Variants in ST3GAL3 observed in about 807,000 individuals in gnomAD.
The protein encoded by ST3GAL3 is ST3 beta-galactoside alpha-2,3-sialyltransferase 3, also known as CMP-N-acetylneuraminate-beta-1,4-galactoside alpha-2,3-sialyltransferase.
Under a neutral mutation model 50.1 loss-of-function variants are expected in ST3GAL3, and 21 were observed. The ratio of observed to expected loss-of-function variants is 0.42; its 90% CI spans 0.30 to 0.60. The LOEUF (loss-of-function observed/expected upper bound fraction) is 0.60, where lower values mean the gene tolerates loss of function less well. Among genes scored for constraint, ST3GAL3 ranks in the 20% least tolerant of loss-of-function variants. The pLI is 0.19. For missense variants in ST3GAL3, 353 were observed against 489.4 expected (o/e 0.72, Z 2.63); for synonymous variants, 183 against 190.0 (o/e 0.96, Z 0.30).
intron 3 of ST3GAL3, among the ~76,000 whole-genome samples, chr1:43,812,110 T>C (rs2060629651): frequency 6.6e-6 from 1 of 152,176 alleles, no homozygotes; most frequent in African/African-American, 2.4e-5. Flanking sequence ...TCAACAAATA[T>C]TTATTGAGCA....
At position 43,899,124 on chromosome 1, in the gene ST3GAL3, G is replaced by A; in HGVS notation, c.462-44G>A. 6.2e-7 allele frequency: 1 copy of A among 1,613,354 alleles called. No individual in the cohort carries two copies. On this transcript the variant is annotated intron_variant, in intron 7 of 11. Coordinates refer to ENST00000347631, the MANE Select transcript of ST3GAL3 (RefSeq NM_006279.5). The surrounding 1 kb of genome is among the most constrained non-coding windows in gnomAD (Gnocchi z 5.4). ...CCAAAGGAGCAGGGAAAGAGACCTG[G>A]TGGGCAGCTCTCTGTACAGAGGTCT... is the stretch of plus-strand genomic sequence containing the variant.
chr1:43,762,506 T>C (rs970046840), intron 2 of ST3GAL3, among the ~76,000 whole-genome samples: 1 of 152,136 alleles, frequency 6.6e-6, no homozygotes, highest in African/African-American at 2.4e-5. Context: ...TGGCAAAGAA[T>C]TCAACTATAG....
At chr1:43,851,003 C>T in intron 5 of ST3GAL3, 2 of 862,342 alleles carry the variant, frequency 2.3e-6, no homozygotes, top group South Asian at 2.6e-5. Flanking sequence ...TGGCAGTGTT[C>T]AAATGGGGAG....
intron 7 of ST3GAL3, chr1:43,898,553 A>G: frequency 1.8e-6 from 1 of 556,320 alleles, no homozygotes; most frequent in Non-Finnish European, 3.3e-6. Context: ...AACTGAACAC[A>G]CTGGGGCTGG....
chr1:43,749,085 A>G (rs1214938571), intron 2 of ST3GAL3, among the ~76,000 whole-genome samples: 6 of 152,226 alleles, frequency 3.9e-5, no homozygotes, highest in African/African-American at 1.4e-4. Context: ...GATAAAAGTA[A>G]TAACATAATT....
chr1:43,731,332 G>A (rs550643350), intron 1 of ST3GAL3, among the ~76,000 whole-genome samples: 8 of 150,816 alleles, frequency 5.3e-5, no homozygotes, highest in Middle Eastern at 3.5e-3. Flanking sequence ...CTGCCTCAGC[G>A]TCCCAAGTAG....
chr1:43,879,446 C>T, intron 5 of ST3GAL3: 1 of 456,242 alleles, frequency 2.2e-6, no homozygotes, highest in Non-Finnish European at 4.4e-6. Flanking sequence ...AGAAGCTGCA[C>T]ATTGACCATC....
At chr1:43,802,057 A>G (rs1316097616) in intron 3 of ST3GAL3, among the ~76,000 whole-genome samples, 2 of 152,148 alleles carry the variant, frequency 1.3e-5, no homozygotes, top group Non-Finnish European at 2.9e-5. Context: ...ATGAAACACA[A>G]AGTATTAAGA....
chr1:43,753,213 C>T (rs566629706), intron 2 of ST3GAL3, among the ~76,000 whole-genome samples: 3 of 152,178 alleles, frequency 2.0e-5, no homozygotes, highest in Admixed American at 6.5e-5. Context: ...CCTGTACACG[C>T]GTGGGCATGA....
intron 2 of ST3GAL3, among the ~76,000 whole-genome samples, chr1:43,756,100 C>CAAA (rs139101819): frequency 0.015 from 1,054 of 71,954 alleles, 48 homozygotes; most frequent in East Asian, 0.069. Context: ...GAACCAGTCT[C>CAAA]AAAAAAAAAA....
chr1:43,759,201 T>C (rs934088915), intron 2 of ST3GAL3, among the ~76,000 whole-genome samples: 10 of 151,956 alleles, frequency 6.6e-5, no homozygotes, highest in Admixed American at 6.6e-4. Flanking sequence ...ATCCCAGCAC[T>C]TTGGGAGGCC....
chr1:43,746,150 A>G (rs1407437972), intron 2 of ST3GAL3, among the ~76,000 whole-genome samples: 1 of 152,242 alleles, frequency 6.6e-6, no homozygotes, highest in Non-Finnish European at 1.5e-5. Flanking sequence ...GTCAGTCCCA[A>G]AGAAGGAAGG....
Position 43,930,379 on chromosome 1 carries a change from C to T in ST3GAL3, c.*158C>T. ...AGCCAGAGCTGTGCCTGCTCAGCAGCCAGTCTCAGAGACCAGCACTCAGCC... is the reference window on the plus strand; with the variant it reads ...AGCCAGAGCTGTGCCTGCTCAGCAGTCAGTCTCAGAGACCAGCACTCAGCC... On this transcript the variant is annotated 3_prime_UTR_variant, in exon 12 of 12. Transcript: ENST00000347631. 2 of 728,274 alleles carry T rather than the reference C, an allele frequency of 2.7e-6. No homozygotes were observed. Among genetic ancestry groups the T allele is most frequent in the Non-Finnish European group, 2.4e-6 (1 of 409,594 alleles). 45.1% of individuals were successfully genotyped at this position (728,274 alleles called of 1,614,324 possible).
chr1:43,858,167 ATAT>A (rs1470271705), intron 5 of ST3GAL3: 2 of 1,289,410 alleles, frequency 1.6e-6, no homozygotes, highest in South Asian at 2.5e-5. Context: ...AGACAAAAAC[ATAT>A]CCAGGCATAT....
chr1:43,733,571 T>C (rs1452035177), intron 1 of ST3GAL3, among the ~76,000 whole-genome samples: 1 of 152,232 alleles, frequency 6.6e-6, no homozygotes, highest in African/African-American at 2.4e-5. Context: ...TTGACCTGTT[T>C]TTTCCTCTGC....
intron 5 of ST3GAL3, among the ~76,000 whole-genome samples, chr1:43,887,728 G>A (rs1249796960): frequency 6.6e-6 from 1 of 152,180 alleles, no homozygotes; most frequent in African/African-American, 2.4e-5. Context: ...GTTGGTAGAT[G>A]ATCGCTTGAA....
chr1:43,863,757 G>A (rs181258196), intron 5 of ST3GAL3, among the ~76,000 whole-genome samples: 1 of 152,244 alleles, frequency 6.6e-6, no homozygotes, highest in East Asian at 1.9e-4. Flanking sequence ...CAGCGTGTGG[G>A]AGAAGCCTCC....
chr1:43,827,121 C>T (rs1276023895), intron 4 of ST3GAL3, among the ~76,000 whole-genome samples: 1 of 152,086 alleles, frequency 6.6e-6, no homozygotes, highest in Admixed American at 6.6e-5. Context: ...AAAAGGCATA[C>T]AGATTGGGAA....
chr1:43,708,909 C>A (rs1663037149), intron 1 of ST3GAL3, among the ~76,000 whole-genome samples: 1 of 152,172 alleles, frequency 6.6e-6, no homozygotes, highest in Admixed American at 6.5e-5. Context: ...AAACTCAAAA[C>A]CATTTAAGAT....
Sources: gnomAD v4.1 joint callset for allele counts (sites outside exome capture counted in the v4.1 genomes callset) on GRCh38, gnomAD v4.1.1 for gene constraint, Gnocchi (gnomAD v3.1) non-coding constraint, MANE v1.5 for transcripts, NCBI Gene and HGNC (gene_info 2026-07-23, HGNC 2026-07-21) for gene names.